The following MAST2 variants were observed in gnomAD, a reference collection of about 807,000 sequenced individuals.
MAST2 encodes microtubule associated serine/threonine kinase 2.
A neutral mutation model predicts 147.4 loss-of-function variants in MAST2; 70 were observed. The ratio of observed to expected loss-of-function variants is 0.47; its 90% CI spans 0.39 to 0.58. The LOEUF (loss-of-function observed/expected upper bound fraction) is 0.58, where lower values mean the gene tolerates loss of function less well. Ranked by LOEUF, MAST2 falls within the 20% of genes least tolerant of loss-of-function variation. MAST2 has a pLI of 0.00. For synonymous variants in MAST2, 869 were observed against 896.8 expected, an observed-to-expected ratio of 0.97 and a Z score of 0.55; for missense variants, 2,080 against 2,302.3, an observed-to-expected ratio of 0.90 and a Z score of 1.98.
intron 3 of MAST2, among the ~76,000 whole-genome samples, chr1:45,833,153 A>G (rs1174922158): frequency 6.6e-6 from 1 of 152,078 alleles, no homozygotes; most frequent in Non-Finnish European, 1.5e-5. Context: ...TGTTGTATGT[A>G]TATATCATGT....
At chr1:45,974,441 C>G (rs1446440261) in intron 5 of MAST2, among the ~76,000 whole-genome samples, 1 of 152,060 alleles carries the variant, frequency 6.6e-6, no homozygotes, top group East Asian at 1.9e-4. Context: ...ACAAATGATA[C>G]AAAAATTAGC....
intron 4 of MAST2, among the ~76,000 whole-genome samples, chr1:45,921,429 C>T (rs908703999): frequency 1.1e-4 from 16 of 152,170 alleles, no homozygotes; most frequent in Non-Finnish European, 2.1e-4. Flanking sequence ...CCAGTTGGCC[C>T]AGCAGGCTGC....
At chr1:45,915,482 G>A (rs575815696) in intron 4 of MAST2, among the ~76,000 whole-genome samples, 57 of 152,230 alleles carry the variant, frequency 3.7e-4, no homozygotes, top group Non-Finnish European at 5.7e-4. Context: ...AGGCCGAGGC[G>A]GGCGGATCAC....
chr1:45,884,543 C>T (rs902750175), intron 4 of MAST2, among the ~76,000 whole-genome samples: 12 of 151,874 alleles, frequency 7.9e-5, no homozygotes, highest in East Asian at 3.9e-4. Flanking sequence ...CAGAGTGATG[C>T]GCCGTCAAAA....
intron 5 of MAST2, among the ~76,000 whole-genome samples, chr1:45,983,966 G>A (rs376292812): frequency 1.4e-4 from 21 of 152,256 alleles, no homozygotes; most frequent in African/African-American, 4.3e-4. Context: ...GAAGATGGAC[G>A]TTTAGAAATG....
chr1:45,975,848 C>T (rs960797543), intron 5 of MAST2, among the ~76,000 whole-genome samples: 15 of 151,982 alleles, frequency 9.9e-5, no homozygotes, highest in Admixed American at 3.9e-4. Context: ...ACCTAAGATC[C>T]ATGGACCCTG....
At chr1:45,940,745 C>T (rs10890374) in intron 4 of MAST2, among the ~76,000 whole-genome samples, 7 of 151,480 alleles carry the variant, frequency 4.6e-5, no homozygotes, top group African/African-American at 1.7e-4. Flanking sequence ...TCAGCCTCCT[C>T]AGTAGCTGGG....
intron 4 of MAST2, among the ~76,000 whole-genome samples, chr1:45,946,855 T>G (rs962688218): frequency 3.9e-5 from 6 of 152,220 alleles, no homozygotes; most frequent in Admixed American, 2.0e-4. Context: ...CCTTAGTCTC[T>G]GTCATAGCAG....
intron 3 of MAST2, among the ~76,000 whole-genome samples, chr1:45,875,848 A>T (rs1048262302): frequency 6.6e-6 from 1 of 152,124 alleles, no homozygotes; most frequent in African/African-American, 2.4e-5. Flanking sequence ...TTGTATGTAC[A>T]ACTATAGAGG....
chr1:45,817,614 G>A (rs1395272719), intron 1 of MAST2, among the ~76,000 whole-genome samples: 1 of 152,100 alleles, frequency 6.6e-6, no homozygotes, highest in East Asian at 1.9e-4. Flanking sequence ...ATGTTAATGA[G>A]CAATAAGAAA....
chr1:45,898,921 A>G (rs1162656515), intron 4 of MAST2, among the ~76,000 whole-genome samples: 1 of 152,118 alleles, frequency 6.6e-6, no homozygotes, highest in Non-Finnish European at 1.5e-5. Flanking sequence ...AAATCTCCTT[A>G]GGGCCATGCT....
At chr1:46,034,004 T>G in intron 27 of MAST2, 66 bp downstream of exon 27, 1 of 1,606,328 alleles carries the variant, frequency 6.2e-7, no homozygotes, top group Non-Finnish European at 8.5e-7. Flanking sequence ...GGTGGGTGCC[T>G]TGGCCCTGGG....
chr1:45,975,174 GT>G (rs990418325), intron 5 of MAST2, among the ~76,000 whole-genome samples: 1 of 152,142 alleles, frequency 6.6e-6, no homozygotes, highest in African/African-American at 2.4e-5. Context: ...GTTGCAACCT[GT>G]TCAGGGTATG....
At chr1:45,870,552 C>A (rs1336095519) in intron 3 of MAST2, among the ~76,000 whole-genome samples, 1 of 149,780 alleles carries the variant, frequency 6.7e-6, no homozygotes, top group Admixed American at 6.6e-5. Context: ...TTCTTTTAAA[C>A]CTTTGCTGAT....
rs1271534940 is a variant in MAST2, at chr1:45,997,740, C to T, written c.609C>T (p.Asp203=). 2.5e-6 allele frequency: 4 copies of T among 1,613,968 alleles called. No individual in the cohort carries two copies. Among genetic ancestry groups the T allele is most frequent in the Non-Finnish European group, 3.4e-6 (4 of 1,179,922 alleles). Residue 203 remains aspartate, a synonymous_variant, in exon 6 of 29, where the codon GAC becomes GAT. Coordinates refer to ENST00000361297, the MANE Select transcript of MAST2 (RefSeq NM_015112.3). Reference sequence around the variant, plus strand: ...CATCCACAGGTAACAGTCCTTTGGACAGCCCCCGGAATTTCTCTCCAAATG... The same window carrying T: ...CATCCACAGGTAACAGTCCTTTGGATAGCCCCCGGAATTTCTCTCCAAATG... ...LHGHTGNSPL[D]SPRNFSPNAP...
rs543931377 is a variant in MAST2, at chr1:45,899,628, A to C, written c.500+17233A>C. ...TCCAGCTACATCCACATTGCTGCAA[A>C]GGACAGGATTTCATTCTATTTATGG... On this transcript the variant is annotated intron_variant, in intron 4 of 28. Transcript: ENST00000361297. Among the ~76,000 whole-genome samples, 5 of 152,130 alleles carry C rather than the reference A, an allele frequency of 3.3e-5. No homozygotes were observed. The East Asian group carries it at 9.6e-4, about 29-fold the overall frequency.
At chr1:45,857,172 C>G (rs1645817347) in intron 3 of MAST2, among the ~76,000 whole-genome samples, 1 of 152,110 alleles carries the variant, frequency 6.6e-6, no homozygotes, top group African/African-American at 2.4e-5. Flanking sequence ...GGATTTTTAT[C>G]TATTTCTATT....
intron 5 of MAST2, among the ~76,000 whole-genome samples, chr1:45,964,209 A>G (rs1377294532): frequency 6.6e-6 from 1 of 152,188 alleles, no homozygotes; most frequent in Non-Finnish European, 1.5e-5. Context: ...AGTCTTTTGT[A>G]TCAGGATGAT....
intron 4 of MAST2, among the ~76,000 whole-genome samples, chr1:45,905,775 C>CA (rs11453789): frequency 0.36 from 49,861 of 139,892 alleles, 8,697 homozygotes; most frequent in African/African-American, 0.45. Flanking sequence ...GACTCTGTCT[C>CA]AAAAAAAAAA....
Sources: allele counts gnomAD v4.1 joint callset (sites outside exome capture counted in the v4.1 genomes callset), GRCh38; gene constraint gnomAD v4.1.1; transcripts MANE v1.5; gene names NCBI Gene and HGNC (gene_info 2026-07-23, HGNC 2026-07-21).